The following APLF variants were observed in gnomAD, a reference collection of about 807,000 sequenced individuals.
APLF encodes aprataxin and PNK-like factor.
APLF carries 61 observed loss-of-function variants against 55.6 expected under a neutral mutation model. The observed-to-expected ratio is 1.10, with a 90% CI of 0.89 to 1.36. The LOEUF is 1.36. Among genes scored for constraint, APLF ranks in the 40% most tolerant of loss-of-function variants. APLF has a pLI of 0.00. For missense variants in APLF, 611 were observed against 602.5 expected, an observed-to-expected ratio of 1.01 and a Z score of -0.15; for synonymous variants, 207 against 214.8, an observed-to-expected ratio of 0.96 and a Z score of 0.32.
intron 3 of APLF, among the ~76,000 whole-genome samples, chr2:68,511,725 T>A (rs188760269): frequency 2.9e-3 from 447 of 151,798 alleles, no homozygotes; most frequent in Non-Finnish European, 5.1e-3. Context: ...CTGGGTATTG[T>A]AGTGGAGTGA....
chr2:68,479,132 C>T (rs1026904321), intron 1 of APLF, among the ~76,000 whole-genome samples: 1 of 152,094 alleles, frequency 6.6e-6, no homozygotes, highest in Non-Finnish European at 1.5e-5. Flanking sequence ...CTAATTCAGC[C>T]ACTAGATGAG....
chr2:68,578,155 T>C lies in APLF; in HGVS notation c.*133T>C. On this transcript the variant is annotated 3_prime_UTR_variant, in exon 10 of 10. Coordinates refer to ENST00000303795, the MANE Select transcript of APLF (RefSeq NM_173545.3). ...AGTTAATGACTTTTACTACTGACTC[T>C]TTACAAATGAGACATTGAAACGTCA... 4 of 1,425,130 alleles carry C rather than the reference T, an allele frequency of 2.8e-6. No individual in the cohort carries two copies. Among genetic ancestry groups the C allele is most frequent in the Non-Finnish European group, 3.7e-6 (4 of 1,093,098 alleles). The allele number at this position is 1,425,130 out of a possible 1,614,324, so 88.3% of individuals were successfully genotyped here.
chr2:68,483,989 A>G (rs1012750002), intron 1 of APLF, among the ~76,000 whole-genome samples: 3 of 152,316 alleles, frequency 2.0e-5, no homozygotes, highest in Non-Finnish European at 4.4e-5. Flanking sequence ...TTCAAGATCC[A>G]GTAGCTTTTC....
chr2:68,579,076 A>G lies in APLF; in HGVS notation c.*1054A>G, dbSNP rs1474633687. 5.7e-5 allele frequency: 56 copies of G among 982,376 alleles called. No homozygotes were observed. Among genetic ancestry groups the G allele is most frequent in the Non-Finnish European group, 6.5e-5 (54 of 827,304 alleles). 60.9% of individuals were successfully genotyped at this position (982,376 alleles called of 1,614,324 possible). On this transcript the variant is annotated 3_prime_UTR_variant, in exon 10 of 10. Coordinates refer to ENST00000303795, the MANE Select transcript of APLF (RefSeq NM_173545.3). ...CAGGAGATATTTATTGAAATCATAAATCACTAAGCCAAAAGAATCTTTGTT... is the reference window on the plus strand; with the variant it reads ...CAGGAGATATTTATTGAAATCATAAGTCACTAAGCCAAAAGAATCTTTGTT...
intron 7 of APLF, among the ~76,000 whole-genome samples, chr2:68,541,514 A>G (rs148282401): frequency 2.0e-4 from 30 of 152,350 alleles, no homozygotes; most frequent in African/African-American, 7.2e-4. Context: ...GCCAATAAGC[A>G]TACAAGAAAG....
Position 68,469,816 on chromosome 2 carries a change from A to T in APLF, c.96+1989A>T, listed in dbSNP as rs149820354. On this transcript the variant is annotated intron_variant, in intron 1 of 9. Transcript: ENST00000303795. ...ACTCAGTAAGTTCATTGTAAATTGG[A>T]ATCGGAAACGATTAATATAAATAAG... Among the ~76,000 whole-genome samples the T allele has an allele frequency of 6.5e-3, 992 of 152,338 alleles. 7 individuals carry two copies. The highest frequency in any genetic ancestry group is 0.023 in the African/African-American group (944 of 41,568).
At chr2:68,517,632 CAAT>C (rs70954308) in intron 5 of APLF, among the ~76,000 whole-genome samples, 18 of 143,584 alleles carry the variant, frequency 1.3e-4, no homozygotes, top group South Asian at 4.5e-4. Flanking sequence ...TAACATGTAA[CAAT>C]ATATCACTAA....
At chr2:68,570,471 G>GAACA (rs1347796349) in intron 9 of APLF, among the ~76,000 whole-genome samples, 2 of 149,944 alleles carry the variant, frequency 1.3e-5, no homozygotes, top group Non-Finnish European at 3.0e-5. Flanking sequence ...AGGCCCCAGT[G>GAACA]TGTGATGTTC....
chr2:68,477,535 G>A (rs1164161750), intron 1 of APLF, among the ~76,000 whole-genome samples: 1 of 152,136 alleles, frequency 6.6e-6, no homozygotes, highest in African/African-American at 2.4e-5. Flanking sequence ...CAGCTACTCG[G>A]AGGCTGAGGT....
intron 3 of APLF, among the ~76,000 whole-genome samples, chr2:68,511,480 A>G (rs1677049021): frequency 6.6e-6 from 1 of 151,708 alleles, no homozygotes; most frequent in Admixed American, 6.6e-5. Context: ...GTAACTATTA[A>G]TAAAAATTAC....
chr2:68,484,543 T>A (rs1229288025), intron 1 of APLF, among the ~76,000 whole-genome samples: 1 of 151,346 alleles, frequency 6.6e-6, no homozygotes, highest in Non-Finnish European at 1.5e-5. Context: ...AAAAAAAAAA[T>A]TAGCCGGACA....
At chr2:68,483,232 G>A (rs1308019950) in intron 1 of APLF, among the ~76,000 whole-genome samples, 2 of 152,146 alleles carry the variant, frequency 1.3e-5, no homozygotes, top group Non-Finnish European at 2.9e-5. Flanking sequence ...ATGTAGCTTT[G>A]TAAATTCCAG....
Position 68,538,042 on chromosome 2 carries a change from T to C in APLF, c.975T>C (p.Ser325=), listed in dbSNP as rs927201131. 1 of 1,614,048 alleles carries C rather than the reference T, an allele frequency of 6.2e-7. No homozygotes were observed. The highest frequency in any genetic ancestry group is 8.5e-7 in the Non-Finnish European group (1 of 1,180,032). ...PHKEDEAMSC[S]ENCSSAQGDS... ...AAGAAGATGAGGCAATGAGCTGTTCTGAAAATTGTTCGAGTGCCCAGGGCG... is the reference window on the plus strand; with the variant it reads ...AAGAAGATGAGGCAATGAGCTGTTCCGAAAATTGTTCGAGTGCCCAGGGCG... The change falls in exon 7 of 10, where the codon TCT becomes TCC. Residue 325 remains serine, a synonymous_variant. Transcript: ENST00000303795.
chr2:68,565,072 A>G (rs72835041), intron 8 of APLF, among the ~76,000 whole-genome samples: 2,990 of 152,218 alleles, frequency 0.02, 53 homozygotes, highest in Non-Finnish European at 0.032. Context: ...AACACAGAGC[A>G]AATTTCCCTC....
At chr2:68,519,002 T>TGA (rs1403578080) in intron 5 of APLF, among the ~76,000 whole-genome samples, 8 of 120,756 alleles carry the variant, frequency 6.6e-5, no homozygotes, top group African/African-American at 2.4e-4. Context: ...TGATAATATA[T>TGA]TATTAATATA....
intron 1 of APLF, among the ~76,000 whole-genome samples, chr2:68,468,526 C>A (rs1675506425): frequency 6.6e-6 from 1 of 152,092 alleles, no homozygotes; most frequent in South Asian, 2.1e-4. Flanking sequence ...AAAATTGAGC[C>A]ATACATACAT....
intron 6 of APLF, among the ~76,000 whole-genome samples, chr2:68,536,470 C>T (rs532885283): frequency 5.7e-4 from 86 of 152,194 alleles, no homozygotes; most frequent in African/African-American, 1.9e-3. Context: ...TGGAAGCAAA[C>T]ATTGATGTGT....
chr2:68,574,555 A>C (rs1053920334), intron 9 of APLF, among the ~76,000 whole-genome samples: 1 of 152,180 alleles, frequency 6.6e-6, no homozygotes, highest in Non-Finnish European at 1.5e-5. Flanking sequence ...GGTGGATTAC[A>C]TTTGGCTACT....
chr2:68,577,418 C>G (rs1381900945), intron 9 of APLF, among the ~76,000 whole-genome samples: 2 of 152,058 alleles, frequency 1.3e-5, no homozygotes, highest in Non-Finnish European at 2.9e-5. Flanking sequence ...CTTAAAGCAT[C>G]CTTTTGGAAG....
Sources: allele counts gnomAD v4.1 joint callset (sites outside exome capture counted in the v4.1 genomes callset), GRCh38; gene constraint gnomAD v4.1.1; transcripts MANE v1.5; gene names NCBI Gene and HGNC (gene_info 2026-07-23, HGNC 2026-07-21).